Variants in RC3H2 observed in about 807,000 individuals in gnomAD.
RC3H2 encodes ring finger and CCCH-type domains 2.
RC3H2 carries 31 observed loss-of-function variants against 133.3 expected under a neutral mutation model. That is an observed-to-expected ratio of 0.23 (90% CI 0.17 to 0.31). The LOEUF (loss-of-function observed/expected upper bound fraction) is 0.31. Among genes scored for constraint, RC3H2 ranks in the 10% least tolerant of loss-of-function variants. RC3H2 has a pLI of 1.00. For synonymous variants in RC3H2, 517 were observed against 502.2 expected, an observed-to-expected ratio of 1.03 and a Z score of -0.40; for missense variants, 1,175 against 1,437.2, an observed-to-expected ratio of 0.82 and a Z score of 2.95.
In RC3H2 at chr9:122,858,068, C is replaced by T; in HGVS notation, c.2309G>A (p.Ser770Asn). ...CTTTCTTCTTATCTGCTCCTCGCAA[C>T]TGGTCTTCAAATGACCACAAGGTTC... ...PREPCGHLKT[S>N]CEEQIRRKPD... The change falls in exon 13 of 21, where the codon AGT becomes AAT. Residue 770 changes from serine to asparagine, a missense_variant. Physicochemically the swap from Ser to Asn is conservative, Grantham distance 46. Transcript: ENST00000357244. The T allele has an allele frequency of 6.2e-7, 1 of 1,614,212 alleles. No homozygotes were observed. Among genetic ancestry groups the T allele is most frequent in the Non-Finnish European group, 8.5e-7 (1 of 1,180,038 alleles).
At chr9:122,888,935 A>G (rs1832046038) in intron 4 of RC3H2, among the ~76,000 whole-genome samples, 1 of 152,200 alleles carries the variant, frequency 6.6e-6, no homozygotes, top group Admixed American at 6.5e-5. Flanking sequence ...TTGCATGCCC[A>G]TGACTACTGG....
At chr9:122,905,069 G>A (rs1832791097) in intron 1 of RC3H2, 41 bp downstream of exon 1, 1 of 984,732 alleles carries the variant, frequency 1.0e-6, no homozygotes, top group Non-Finnish European at 1.2e-6. Context: ...CCAGGCACCC[G>A]GGCTGGGGCC....
At chr9:122,890,271 C>G (rs960462121) in intron 4 of RC3H2, 41 bp downstream of exon 4, 4 of 1,533,438 alleles carry the variant, frequency 2.6e-6, no homozygotes, top group Middle Eastern at 1.7e-4. Flanking sequence ...TCCTCAAGCC[C>G]CAATAGCTAA....
chr9:122,876,357 G>C (rs976630174), intron 9 of RC3H2, among the ~76,000 whole-genome samples: 1 of 152,140 alleles, frequency 6.6e-6, no homozygotes, highest in Non-Finnish European at 1.5e-5. Flanking sequence ...GGCAGGTGTG[G>C]TGGCTCACGT....
chr9:122,883,437 G>A (rs935332526), intron 4 of RC3H2, 58 bp from the exon 5 acceptor site: 2 of 1,375,908 alleles, frequency 1.5e-6, no homozygotes, highest in Admixed American at 2.4e-5. Flanking sequence ...CAGATCATGT[G>A]TGTCATAGGC....
intron 18 of RC3H2, among the ~76,000 whole-genome samples, chr9:122,852,682 C>A (rs1301855887): frequency 6.7e-6 from 1 of 148,520 alleles, no homozygotes; most frequent in Non-Finnish European, 1.5e-5. Flanking sequence ...AGGTGAGGGG[C>A]GCCTCTGCCC....
chr9:122,894,220 C>G (rs970050577), intron 2 of RC3H2, among the ~76,000 whole-genome samples: 6 of 151,614 alleles, frequency 4.0e-5, no homozygotes, highest in Admixed American at 1.3e-4. Context: ...GATCGCGCCA[C>G]TGCACTCCAG....
intron 13 of RC3H2, 99 bp downstream of exon 13, chr9:122,857,824 T>C (rs1588056832): frequency 5.0e-6 from 4 of 802,290 alleles, no homozygotes; most frequent in Non-Finnish European, 7.2e-6. Flanking sequence ...ACCAAACCAC[T>C]GCAAATATCC....
intron 10 of RC3H2, among the ~76,000 whole-genome samples, chr9:122,862,669 C>A (rs1422452496): frequency 1.3e-5 from 2 of 152,088 alleles, no homozygotes; most frequent in African/African-American, 2.4e-5. Flanking sequence ...CCAAGGCGGG[C>A]AGATCACTTG....
chr9:122,904,267 G>C (rs189254271), intron 1 of RC3H2, among the ~76,000 whole-genome samples: 2 of 152,286 alleles, frequency 1.3e-5, no homozygotes, highest in Admixed American at 6.5e-5. Context: ...TAAATCACTG[G>C]ATTAGATTTA....
chr9:122,880,717 T>TTC lies in RC3H2; in HGVS notation c.835_836dup (p.His280AsnfsTer56), dbSNP rs770215461. ...CAATATGAACAATTTGGGCATCATG[T>TTC]TCTCTGCGTAATGCTTCATAACTCC... On this transcript the variant is annotated frameshift_variant, in exon 6 of 21. Transcript: ENST00000357244. LOFTEE classifies it high-confidence loss of function. 1 of 1,614,054 alleles carries TTC rather than the reference T, an allele frequency of 6.2e-7. No homozygotes were observed. The highest frequency in any genetic ancestry group is 8.5e-7 in the Non-Finnish European group (1 of 1,179,902).
At chr9:122,884,820 T>C (rs908582131) in intron 4 of RC3H2, among the ~76,000 whole-genome samples, 1 of 147,638 alleles carries the variant, frequency 6.8e-6, no homozygotes, top group Admixed American at 6.9e-5. Context: ...GCCACTGCAC[T>C]CCAGCCTGGC....
intron 9 of RC3H2, among the ~76,000 whole-genome samples, chr9:122,872,687 C>T (rs765407197): frequency 9.2e-5 from 14 of 152,122 alleles, no homozygotes; most frequent in African/African-American, 1.2e-4. Context: ...CAGGTTCACG[C>T]GATTCTCGTG....
chr9:122,859,781 G>C (rs1029982092), intron 11 of RC3H2, 136 bp downstream of exon 11: 2 of 724,496 alleles, frequency 2.8e-6, no homozygotes, highest in African/African-American at 3.5e-5. Flanking sequence ...CAGATCCTTG[G>C]GGAAGGAAAA....
At chr9:122,897,250 C>T (rs371434786) in intron 2 of RC3H2, 29 bp downstream of exon 2, 246 of 1,607,706 alleles carry the variant, frequency 1.5e-4, no homozygotes, top group Non-Finnish European at 2.0e-4. Context: ...ATTTTTGCAC[C>T]AACCTATAGT....
Position 122,892,978 on chromosome 9 carries a change from G to A in RC3H2, c.280C>T (p.His94Tyr), listed in dbSNP as rs867756044. The A allele has an allele frequency of 6.2e-7, 1 of 1,608,012 alleles. No individual in the cohort carries two copies. The highest frequency in any genetic ancestry group is 1.1e-5 in the South Asian group (1 of 90,906). ...IKLSNLGENK[H>Y]YEVAKKCVED... The stretch of plus-strand genomic sequence containing the variant: ...ACGCATTTCTTTGCAACCTCATAGT[G>A]TTTATTCTCACCTAGATTACTTAAC... The change falls in exon 3 of 21, where the codon CAC becomes TAC. Residue 94 changes from histidine (H) to tyrosine (Y), a missense_variant. Transcript: ENST00000357244.
Position 122,849,118 on chromosome 9 carries a change from A to T in RC3H2, c.*509T>A, listed in dbSNP as rs1047897141. 3 of 152,232 alleles carry T rather than the reference A, an allele frequency of 2.0e-5. No individual in the cohort carries two copies. Among genetic ancestry groups the T allele is most frequent in the Non-Finnish European group, 4.4e-5 (3 of 68,044 alleles). The allele number at this position is 152,232 out of a possible 1,614,324, so 9.4% of individuals were successfully genotyped here. ...AACTCCACTCTTCAAAATTAAAAAA[A>T]GAAAAAGAAATCCATGCAAAGTTCC... On this transcript the variant is annotated 3_prime_UTR_variant, in exon 21 of 21. Transcript: ENST00000357244.
chr9:122,869,370 T>C (rs555145398), intron 9 of RC3H2, among the ~76,000 whole-genome samples: 45 of 152,320 alleles, frequency 3.0e-4, no homozygotes, highest in African/African-American at 9.6e-4. Flanking sequence ...GCCTTCACAA[T>C]AGTTTCCCTT....
chr9:122,887,388 G>C (rs1831962707), intron 4 of RC3H2, among the ~76,000 whole-genome samples: 1 of 151,990 alleles, frequency 6.6e-6, no homozygotes, highest in South Asian at 2.1e-4. Context: ...CAACAAAATT[G>C]TCTCTCCCTC....
Sources: allele counts gnomAD v4.1 joint callset (sites outside exome capture counted in the v4.1 genomes callset), GRCh38; gene constraint gnomAD v4.1.1; transcripts MANE v1.5; gene names NCBI Gene and HGNC (gene_info 2026-07-23, HGNC 2026-07-21).